The following PRKG1 variants were observed in gnomAD, a reference collection of about 807,000 sequenced individuals.
The protein encoded by PRKG1 is cGMP-dependent protein kinase 1.
A neutral mutation model predicts 88.1 loss-of-function variants in PRKG1; 35 were observed. The ratio of observed to expected loss-of-function variants is 0.40; its 90% CI spans 0.30 to 0.53. The LOEUF is 0.53. Ranked by LOEUF, PRKG1 falls within the 20% of genes least tolerant of loss-of-function variation. PRKG1 has a pLI of 0.59. For missense variants in PRKG1, 540 were observed against 839.8 expected (o/e 0.64, Z 4.41); for synonymous variants, 303 against 292.5 (o/e 1.04, Z -0.37).
intron 1 of PRKG1, among the ~76,000 whole-genome samples, chr10:50,995,449 A>C (rs1842828093): frequency 6.6e-6 from 1 of 152,202 alleles, no homozygotes; most frequent in Non-Finnish European, 1.5e-5. Flanking sequence ...TCATTTTTAG[A>C]TCCCTTAAGA....
chr10:51,005,120 T>A (rs916511651), intron 1 of PRKG1, among the ~76,000 whole-genome samples: 4 of 152,200 alleles, frequency 2.6e-5, no homozygotes, highest in Admixed American at 2.6e-4. Flanking sequence ...TTTGCAAACA[T>A]TTATTTGGAT....
intron 9 of PRKG1, among the ~76,000 whole-genome samples, chr10:52,247,412 T>C (rs545717868): frequency 5.3e-5 from 8 of 152,234 alleles, no homozygotes; most frequent in Admixed American, 4.6e-4. Context: ...CAGTAATAAG[T>C]TAGATAGGAA....
chr10:51,454,210 C>T (rs1839516731), intron 2 of PRKG1, among the ~76,000 whole-genome samples: 1 of 151,952 alleles, frequency 6.6e-6, no homozygotes, highest in African/African-American at 2.4e-5. Context: ...CATCAAAATA[C>T]CATCAGTGTT....
At chr10:51,926,420 G>A (rs1186470140) in intron 5 of PRKG1, among the ~76,000 whole-genome samples, 1 of 152,170 alleles carries the variant, frequency 6.6e-6, no homozygotes, top group African/African-American at 2.4e-5. Flanking sequence ...TGTTTTCAAA[G>A]ATGGTGCTTT....
intron 3 of PRKG1, among the ~76,000 whole-genome samples, chr10:51,700,646 G>T (rs1841442472): frequency 6.6e-6 from 1 of 152,184 alleles, no homozygotes; most frequent in African/African-American, 2.4e-5. Flanking sequence ...AGGACAAGCA[G>T]CTGGAAAGAG....
chr10:51,369,657 C>A (rs1842660779), intron 2 of PRKG1, among the ~76,000 whole-genome samples: 1 of 152,074 alleles, frequency 6.6e-6, no homozygotes, highest in African/African-American at 2.4e-5. Context: ...GGTTGGCAGT[C>A]CAGTGCTGTT....
chr10:51,733,514 T>A (rs1002906250), intron 3 of PRKG1, among the ~76,000 whole-genome samples: 2 of 152,212 alleles, frequency 1.3e-5, no homozygotes, highest in African/African-American at 4.8e-5. Context: ...ACTTTGCTTT[T>A]TTTCTCTATA....
At chr10:52,285,442 G>A (rs934631282) in intron 14 of PRKG1, among the ~76,000 whole-genome samples, 2 of 152,034 alleles carry the variant, frequency 1.3e-5, no homozygotes, top group Non-Finnish European at 2.9e-5. Context: ...AGGGGAAACA[G>A]CCATGATGAA....
chr10:51,292,321 C>T (rs982470652), intron 2 of PRKG1, among the ~76,000 whole-genome samples: 4 of 152,168 alleles, frequency 2.6e-5, no homozygotes, highest in Non-Finnish European at 5.9e-5. Context: ...TCTTCATTTT[C>T]TCAAAGCTCA....
chr10:52,209,856 A>C (rs1485527307), intron 9 of PRKG1, among the ~76,000 whole-genome samples: 1 of 152,114 alleles, frequency 6.6e-6, no homozygotes, highest in Non-Finnish European at 1.5e-5. Flanking sequence ...CCACCACGTT[A>C]ATTCCCAGTT....
intron 5 of PRKG1, among the ~76,000 whole-genome samples, chr10:51,998,562 C>T (rs1844513235): frequency 6.6e-6 from 1 of 151,966 alleles, no homozygotes; most frequent in African/African-American, 2.4e-5. Context: ...TTCAGGGTAT[C>T]TGTTATATAT....
At chr10:51,917,767 T>A (rs1325737232) in intron 5 of PRKG1, among the ~76,000 whole-genome samples, 1 of 152,222 alleles carries the variant, frequency 6.6e-6, no homozygotes, top group Admixed American at 6.5e-5. Flanking sequence ...TATTTAATTC[T>A]CAACAAAGAT....
At chr10:51,722,017 G>A (rs1842024998) in intron 3 of PRKG1, among the ~76,000 whole-genome samples, 1 of 152,138 alleles carries the variant, frequency 6.6e-6, no homozygotes, top group African/African-American at 2.4e-5. Flanking sequence ...GGCTCAAGAG[G>A]TCAGGAGTTC....
At chr10:51,391,414 A>G (rs1010934851) in intron 2 of PRKG1, among the ~76,000 whole-genome samples, 1 of 152,134 alleles carries the variant, frequency 6.6e-6, no homozygotes, top group African/African-American at 2.4e-5. Context: ...ATCTTTCTTT[A>G]GGTTTCTCTC....
intron 10 of PRKG1, chr10:52,252,785 C>T (rs996768978): frequency 1.3e-5 from 2 of 151,374 alleles, no homozygotes; most frequent in Non-Finnish European, 2.9e-5. Flanking sequence ...GTAATATCAC[C>T]TGTGACTTGA....
chr10:52,000,730 G>A (rs1361266381), intron 5 of PRKG1, among the ~76,000 whole-genome samples: 1 of 151,498 alleles, frequency 6.6e-6, no homozygotes, highest in African/African-American at 2.4e-5. Context: ...TAAAATATTC[G>A]TGAACATAAA....
At chr10:51,530,642 G>A (rs951991567) in intron 3 of PRKG1, among the ~76,000 whole-genome samples, 2 of 152,104 alleles carry the variant, frequency 1.3e-5, no homozygotes, top group Admixed American at 6.5e-5. Context: ...TGAAGACACA[G>A]AATCCTTTGT....
At chr10:52,220,809 G>A (rs1438941349) in intron 9 of PRKG1, among the ~76,000 whole-genome samples, 1 of 152,018 alleles carries the variant, frequency 6.6e-6, no homozygotes, top group Non-Finnish European at 1.5e-5. Context: ...TCTTTATCCA[G>A]TATACCGTTG....
intron 2 of PRKG1, among the ~76,000 whole-genome samples, chr10:51,406,418 A>T (rs1837917570): frequency 6.6e-6 from 1 of 152,184 alleles, no homozygotes; most frequent in African/African-American, 2.4e-5. Context: ...GGCGAGATGA[A>T]GCCAGAGTAG....
Sources: allele counts gnomAD v4.1 joint callset (sites outside exome capture counted in the v4.1 genomes callset), GRCh38; gene constraint gnomAD v4.1.1; transcripts MANE v1.5; gene names NCBI Gene and HGNC (gene_info 2026-07-23, HGNC 2026-07-21).